The following WDPCP variants were observed in gnomAD, a reference collection of about 807,000 sequenced individuals.
WDPCP encodes WD repeat containing planar cell polarity effector, also known as WD repeat-containing and planar cell polarity effector protein fritz homolog.
WDPCP carries 71 observed loss-of-function variants against 93.1 expected under a neutral mutation model. That is an observed-to-expected ratio of 0.76 (90% confidence interval 0.63 to 0.93). The LOEUF is 0.93. WDPCP is among the 40% of genes least tolerant of loss of function. WDPCP has a pLI of 0.00. For missense variants in WDPCP, 844 were observed against 887.4 expected, an observed-to-expected ratio of 0.95 and a Z score of 0.62; for synonymous variants, 315 against 315.0, an observed-to-expected ratio of 1.00 and a Z score of 0.00.
chr2:63,449,744 A>C (rs1220831129), intron 6 of WDPCP, among the ~76,000 whole-genome samples: 1 of 152,090 alleles, frequency 6.6e-6, no homozygotes, highest in Non-Finnish European at 1.5e-5. Flanking sequence ...CCCCAGACAG[A>C]AAACTTGTAC....
intron 2 of WDPCP, among the ~76,000 whole-genome samples, chr2:63,705,450 C>T (rs953567209): frequency 3.3e-5 from 5 of 152,046 alleles, no homozygotes; most frequent in African/African-American, 1.2e-4. Flanking sequence ...TATAAATTTC[C>T]CTCCTCACAC....
chr2:63,424,111 G>T (rs915898126), intron 9 of WDPCP, among the ~76,000 whole-genome samples: 1 of 152,042 alleles, frequency 6.6e-6, no homozygotes, highest in Non-Finnish European at 1.5e-5. Flanking sequence ...ACGCTCTCTC[G>T]CCGCTTACCT....
At chr2:63,123,875 A>G (rs374858759) in intron 17 of WDPCP, among the ~76,000 whole-genome samples, 3 of 149,754 alleles carry the variant, frequency 2.0e-5, no homozygotes, top group African/African-American at 4.9e-5. Flanking sequence ...TATATTGTGT[A>G]TATATATATA....
chr2:63,614,587 G>C (rs1709653407), intron 3 of WDPCP, among the ~76,000 whole-genome samples: 1 of 152,134 alleles, frequency 6.6e-6, no homozygotes, highest in African/African-American at 2.4e-5. Context: ...TTATCCTCTT[G>C]TCTCCCATCC....
intron 14 of WDPCP, among the ~76,000 whole-genome samples, chr2:63,197,755 T>C (rs1252702862): frequency 6.6e-6 from 1 of 152,206 alleles, no homozygotes; most frequent in Non-Finnish European, 1.5e-5. Context: ...CTTGTTTCAC[T>C]TAATATAATG....
intron 2 of WDPCP, among the ~76,000 whole-genome samples, chr2:63,785,071 T>TA (rs1670448165): frequency 6.6e-6 from 1 of 152,202 alleles, no homozygotes; most frequent in Non-Finnish European, 1.5e-5. Context: ...CTTCAAACAT[T>TA]AAAAAATATT....
intron 12 of WDPCP, among the ~76,000 whole-genome samples, chr2:63,348,506 C>A (rs1689348913): frequency 6.6e-6 from 1 of 152,054 alleles, no homozygotes; most frequent in Admixed American, 6.6e-5. Flanking sequence ...TTTCTAAAGA[C>A]ATTATTTCTA....
intron 6 of WDPCP, among the ~76,000 whole-genome samples, chr2:63,464,325 T>C (rs767751680): frequency 2.0e-5 from 3 of 152,194 alleles, no homozygotes; most frequent in Admixed American, 6.5e-5. Flanking sequence ...TACTACTTCA[T>C]AGCTTGATAG....
chr2:63,362,878 G>A (rs968971988), intron 12 of WDPCP, among the ~76,000 whole-genome samples: 3 of 151,952 alleles, frequency 2.0e-5, no homozygotes, highest in African/African-American at 4.8e-5. Context: ...GTTACTCTTA[G>A]GCATACTTTC....
At chr2:63,575,467 G>GTATATACCGTGTATA (rs1558832897) in intron 1 of WDPCP, among the ~76,000 whole-genome samples, 1 of 6,840 alleles carries the variant, frequency 1.5e-4, no homozygotes, top group South Asian at 0.012. Context: ...CAGTATATAT[G>GTATATACCGTGTATA]CAGTATATAC....
intron 2 of WDPCP, among the ~76,000 whole-genome samples, chr2:63,792,069 C>A (rs1448206039): frequency 6.6e-6 from 1 of 152,052 alleles, no homozygotes; most frequent in Admixed American, 6.6e-5. Context: ...AAGGTGATGA[C>A]ATGAAAAAGA....
chr2:63,306,000 A>T (rs12623431), intron 13 of WDPCP, among the ~76,000 whole-genome samples: 121,830 of 152,076 alleles, frequency 0.8, 49,669 homozygotes, highest in East Asian at 0.96. Flanking sequence ...ACTGCTAGCC[A>T]GACTAATAAA....
At chr2:63,477,720 T>C (rs1004591409) in intron 6 of WDPCP, 4 of 152,166 alleles carry the variant, frequency 2.6e-5, no homozygotes, top group African/African-American at 9.6e-5. Context: ...GTGCCCGAAG[T>C]GTGAAAGTGG....
At chr2:63,645,295 T>C (rs1710034635) in intron 3 of WDPCP, among the ~76,000 whole-genome samples, 1 of 152,220 alleles carries the variant, frequency 6.6e-6, no homozygotes, top group South Asian at 2.1e-4. Flanking sequence ...TTAATTTCCA[T>C]ATATTTGCAT....
intron 16 of WDPCP, 98 bp downstream of exon 16, chr2:63,153,397 A>C (rs1173925783): frequency 1.1e-6 from 1 of 910,116 alleles, no homozygotes; most frequent in Non-Finnish European, 1.7e-6. Context: ...AAATGCTCAG[A>C]GTTTTCTTAT....
At chr2:63,532,950 G>A (rs1703976772) in intron 1 of WDPCP, among the ~76,000 whole-genome samples, 1 of 152,164 alleles carries the variant, frequency 6.6e-6, no homozygotes, top group Admixed American at 6.5e-5. Context: ...CCAGTGTGCT[G>A]TATTCAGGAG....
chr2:63,752,225 G>A (rs1558902064), intron 2 of WDPCP: 1 of 722,578 alleles, frequency 1.4e-6, no homozygotes, highest in Non-Finnish European at 2.5e-6. Context: ...GCCTCAATCA[G>A]TCATAATTTC....
chr2:63,577,488 T>C lies in WDPCP; in HGVS notation c.75+10709A>G, dbSNP rs1708196867. Among the ~76,000 whole-genome samples, 3 of 152,158 alleles carry C rather than the reference T, an allele frequency of 2.0e-5. 1 individual carries two copies. The highest frequency in any genetic ancestry group is 4.4e-5 in the Non-Finnish European group (3 of 68,000). ...CTCATTTTTCCCTTCCTTTATCCCA[T>C]TTCAAGCATGACCCAGAAATTAAAT... is the stretch of plus-strand genomic sequence containing the variant. On this transcript the variant is annotated intron_variant, in intron 1 of 17. Transcript: ENST00000272321.
At chr2:63,289,476 T>G (rs1684244714) in intron 13 of WDPCP, among the ~76,000 whole-genome samples, 1 of 152,070 alleles carries the variant, frequency 6.6e-6, no homozygotes, top group African/African-American at 2.4e-5. Context: ...TTATTTACTT[T>G]GTATTTGGGA....
Sources: gnomAD v4.1 joint callset for allele counts (sites outside exome capture counted in the v4.1 genomes callset) on GRCh38, gnomAD v4.1.1 for gene constraint, MANE v1.5 for transcripts, NCBI Gene and HGNC (gene_info 2026-07-23, HGNC 2026-07-21) for gene names.